The following PARP16 variants were observed in gnomAD, a reference collection of about 807,000 sequenced individuals.
PARP16 encodes the protein protein mono-ADP-ribosyltransferase PARP16.
In PARP16, 31 loss-of-function variants were observed where a neutral mutation model predicts 35.0. The observed-to-expected ratio is 0.88, with a 90% CI of 0.66 to 1.19. The LOEUF (loss-of-function observed/expected upper bound fraction) is 1.19, where lower values mean the gene tolerates loss of function less well. Among genes scored for constraint, PARP16 ranks in the 50% most tolerant of loss-of-function variants. The pLI is 0.00. For synonymous variants in PARP16, 162 were observed against 169.5 expected, an observed-to-expected ratio of 0.96 and a Z score of 0.34; for missense variants, 424 against 411.2, an observed-to-expected ratio of 1.03 and a Z score of -0.27.
At position 65,259,519 on chromosome 15, in the gene PARP16, A is replaced by T; in HGVS notation, c.857T>A (p.Phe286Tyr). The T allele has an allele frequency of 6.2e-7, 1 of 1,614,162 alleles. No individual in the cohort carries two copies. The highest frequency in any genetic ancestry group is 8.5e-7 in the Non-Finnish European group (1 of 1,179,960). Residue 286 changes from phenylalanine to tyrosine, a missense_variant, in exon 6 of 6, where the codon TTT (phenylalanine) becomes TAT (tyrosine). Phe to Tyr is a conservative substitution (Grantham distance 22, BLOSUM62 3). Transcript: ENST00000649807. ...CATGACGGTAAACCAATGGCTGGAA[A>T]ACCAGGAGAGCTGGCTCGAAGCCCT... Reference protein sequence around the residue: ...PKRASSQLSWFSSHWFTVMIS... With the variant: ...PKRASSQLSWYSSHWFTVMIS...
In PARP16 at chr15:65,270,987, C is replaced by T. The variant is rs2090075002; in HGVS notation, c.260G>A (p.Ser87Asn). 4 of 1,614,110 alleles carry T rather than the reference C, an allele frequency of 2.5e-6. No individual in the cohort carries two copies. The highest frequency in any genetic ancestry group is 3.4e-6 in the Non-Finnish European group (4 of 1,179,986). Residue 87 changes from serine to asparagine, a missense_variant, in exon 2 of 6, where the codon AGC becomes AAC. Coordinates refer to ENST00000649807, the MANE Select transcript of PARP16 (RefSeq NM_001316943.2). ...CAGGACCTTTGAGGATAAAATCCAG[C>T]TCACCAGGTCCCAGGCCCGTTTGTG... Reference protein sequence around the residue: ...DNHKRAWDLVSWILSSKVLTI... With the variant: ...DNHKRAWDLVNWILSSKVLTI...
chr15:65,285,107 G>A (rs1177805668), intron 1 of PARP16, among the ~76,000 whole-genome samples: 1 of 149,282 alleles, frequency 6.7e-6, no homozygotes, highest in East Asian at 2.0e-4. Flanking sequence ...CAATAGTCTA[G>A]AAAAGTTCGC....
intron 1 of PARP16, among the ~76,000 whole-genome samples, chr15:65,271,383 C>T (rs1223809725): frequency 1.3e-5 from 2 of 152,078 alleles, no homozygotes; most frequent in African/African-American, 2.4e-5. Context: ...AAGCAATTCT[C>T]CCACCTCAGC....
rs141361924 is a variant in PARP16, at chr15:65,259,476, C to A, written c.900G>T (p.Leu300=). 1.2e-6 allele frequency: 2 copies of A among 1,613,538 alleles called. No individual in the cohort carries two copies. The highest frequency in any genetic ancestry group is 1.7e-6 in the Non-Finnish European group (2 of 1,179,432). ...TGATGACACTCACTATGAGCAGCAG[C>A]AGCAGATACAGGGATATCATGACGG... The part of the protein sequence containing the change: ...WFTVMISLYL[L]LLLIVSVINS... The change falls in exon 6 of 6, where the codon CTG becomes CTT. Residue 300 remains leucine (L), a synonymous_variant. Transcript: ENST00000649807.
At chr15:65,247,728 A>G (rs1468000413) in intron 3 of PARP16, among the ~76,000 whole-genome samples, 1 of 151,702 alleles carries the variant, frequency 6.6e-6, no homozygotes, top group Non-Finnish European at 1.5e-5. Flanking sequence ...GAACATTCAC[A>G]CAGACAGACA....
At chr15:65,281,622 C>A (rs1312926545) in intron 1 of PARP16, among the ~76,000 whole-genome samples, 1 of 149,800 alleles carries the variant, frequency 6.7e-6, no homozygotes, top group African/African-American at 2.5e-5. Context: ...ACCCAGGAGG[C>A]AGAGGTTGCA....
chr15:65,231,455 C>CTT (rs1213680405), downstream of PARP16, among the ~76,000 whole-genome samples: 900 of 142,068 alleles, frequency 6.3e-3, 10 homozygotes, highest in African/African-American at 0.02. Flanking sequence ...CAAATTATAC[C>CTT]TTTTTTTTTT....
chr15:65,238,941 C>A (rs2088962667), intron 3 of PARP16, among the ~76,000 whole-genome samples: 2 of 152,134 alleles, frequency 1.3e-5, no homozygotes, highest in African/African-American at 4.8e-5. Flanking sequence ...CCAGCCTAGG[C>A]AACATAGTGA....
Position 65,286,515 on chromosome 15 carries a change from A to C in PARP16, c.-89T>G. Reference sequence around the variant, plus strand: ...AGCGCGGGGGCTGGGCCCGCGGACAATGGGCCGTCAGGGGCCGGGTTCCCA... The same window carrying C: ...AGCGCGGGGGCTGGGCCCGCGGACACTGGGCCGTCAGGGGCCGGGTTCCCA... On this transcript the variant is annotated 5_prime_UTR_variant, in exon 1 of 6. Coordinates refer to ENST00000649807, the MANE Select transcript of PARP16 (RefSeq NM_001316943.2). 1 of 1,051,384 alleles carries C rather than the reference A, an allele frequency of 9.5e-7. No homozygotes were observed. The highest frequency in any genetic ancestry group is 1.3e-6 in the Non-Finnish European group (1 of 774,616). 65.1% of individuals were successfully genotyped at this position (1,051,384 alleles called of 1,614,324 possible).
At chr15:65,243,201 C>T (rs1313041274) in intron 3 of PARP16, among the ~76,000 whole-genome samples, 2 of 152,018 alleles carry the variant, frequency 1.3e-5, no homozygotes, top group South Asian at 4.1e-4. Context: ...TATTTCTTGC[C>T]TCATTCTCAA....
chr15:65,256,247 T>TG (rs1271561893), downstream of PARP16, among the ~76,000 whole-genome samples: 1 of 152,080 alleles, frequency 6.6e-6, no homozygotes, highest in Admixed American at 6.6e-5. Context: ...TACATATCAG[T>TG]GATTTACTCT....
At chr15:65,238,270 GC>G (rs1254584082) in intron 3 of PARP16, among the ~76,000 whole-genome samples, 3 of 152,048 alleles carry the variant, frequency 2.0e-5, no homozygotes, top group African/African-American at 7.2e-5. Context: ...GGCAACAAGA[GC>G]AAAAACTCTG....
chr15:65,271,413 A>G (rs2090090979), intron 1 of PARP16, among the ~76,000 whole-genome samples: 1 of 152,060 alleles, frequency 6.6e-6, no homozygotes, highest in Admixed American at 6.6e-5. Context: ...AGCTGGGACT[A>G]CAAGCGCACG....
downstream of PARP16, among the ~76,000 whole-genome samples, chr15:65,231,465 T>C (rs193092131): frequency 1.1e-3 from 170 of 152,024 alleles, no homozygotes; most frequent in Non-Finnish European, 2.2e-3. Flanking sequence ...CTTTTTTTTT[T>C]TTTTGAGAGT....
At chr15:65,248,389 A>AC (rs2089267374) in intron 2 of PARP16, among the ~76,000 whole-genome samples, 2 of 152,074 alleles carry the variant, frequency 1.3e-5, no homozygotes, top group South Asian at 4.1e-4. Context: ...CCTCATGAGT[A>AC]CCCCCACAAA....
chr15:65,240,127 G>A (rs1228493786), intron 3 of PARP16, among the ~76,000 whole-genome samples: 3 of 147,800 alleles, frequency 2.0e-5, no homozygotes, highest in African/African-American at 5.1e-5. Context: ...CGACATGCTC[G>A]GCTAATGTTT....
At chr15:65,257,200 T>G (rs574918858), downstream of PARP16, among the ~76,000 whole-genome samples, 1 of 152,284 alleles carries the variant, frequency 6.6e-6, no homozygotes, top group East Asian at 1.9e-4. Context: ...GCAGATCACT[T>G]GAGGTCAGGA....
At chr15:65,271,744 T>C (rs977297430) in intron 1 of PARP16, among the ~76,000 whole-genome samples, 3 of 152,206 alleles carry the variant, frequency 2.0e-5, no homozygotes, top group Non-Finnish European at 2.9e-5. Flanking sequence ...ACTGAATACA[T>C]GATACATGCA....
At position 65,266,715 on chromosome 15, in the gene PARP16, C is replaced by T. The variant is rs200911696; in HGVS notation, c.366G>A (p.Pro122=). ...TGAPHTPVPA[P]DFLFEIEYFD... is the part of the protein sequence containing the mutation. The stretch of plus-strand genomic sequence containing the variant: ...AGTACTCAATTTCAAACAGGAAGTC[C>T]GGTGCAGGAACAGGCGTGTGAGGAG... The change falls in exon 3 of 6, where the codon CCG becomes CCA. Residue 122 remains proline (P), a synonymous_variant. Coordinates refer to ENST00000649807, the MANE Select transcript of PARP16 (RefSeq NM_001316943.2). The T allele has an allele frequency of 8.2e-5, 133 of 1,613,906 alleles. 1 individual carries two copies. The highest frequency in any genetic ancestry group is 3.3e-4 in the Middle Eastern group (2 of 6,084).
Sources: allele counts gnomAD v4.1 joint callset (sites outside exome capture counted in the v4.1 genomes callset), GRCh38; gene constraint gnomAD v4.1.1; transcripts MANE v1.5; gene names NCBI Gene and HGNC (gene_info 2026-07-23, HGNC 2026-07-21).